The following AKT3 variants were observed in gnomAD, a reference collection of about 807,000 sequenced individuals.
AKT3 encodes the protein RAC-gamma serine/threonine-protein kinase.
AKT3 carries 15 observed loss-of-function variants against 65.3 expected under a neutral mutation model. The observed-to-expected ratio is 0.23, with a 90% CI of 0.15 to 0.35. The LOEUF (loss-of-function observed/expected upper bound fraction) is 0.35, where lower values mean the gene tolerates loss of function less well. AKT3 is among the 10% of genes least tolerant of loss of function. The pLI is 1.00. For missense variants in AKT3, 243 were observed against 576.5 expected, an observed-to-expected ratio of 0.42 and a Z score of 5.92; for synonymous variants, 206 against 183.8, an observed-to-expected ratio of 1.12 and a Z score of -0.98.
At chr1:243,785,978 C>A (rs1433433918) in intron 2 of AKT3, among the ~76,000 whole-genome samples, 1 of 152,198 alleles carries the variant, frequency 6.6e-6, no homozygotes, top group Admixed American at 6.5e-5. Context: ...CAGAAAGATA[C>A]TCTGCAAGTG....
chr1:243,735,344 A>G (rs1390020642), intron 2 of AKT3, among the ~76,000 whole-genome samples: 2 of 152,258 alleles, frequency 1.3e-5, no homozygotes, highest in African/African-American at 2.4e-5. Flanking sequence ...TCACTAGGCA[A>G]TAAGAATTTT....
intron 8 of AKT3, among the ~76,000 whole-genome samples, chr1:243,574,696 C>T (rs183117665): frequency 1.3e-3 from 197 of 152,112 alleles, no homozygotes; most frequent in Non-Finnish European, 1.4e-3. Flanking sequence ...GTATTACCAG[C>T]CTAACAAGGA....
At chr1:243,821,625 G>A (rs1693860325) in intron 2 of AKT3, among the ~76,000 whole-genome samples, 1 of 152,040 alleles carries the variant, frequency 6.6e-6, no homozygotes, top group South Asian at 2.1e-4. Context: ...AAAAGCAGAG[G>A]TTGCAATCCT....
At chr1:243,580,461 A>G (rs996749711) in intron 8 of AKT3, among the ~76,000 whole-genome samples, 5 of 152,246 alleles carry the variant, frequency 3.3e-5, no homozygotes, top group Non-Finnish European at 5.9e-5. Flanking sequence ...ATTTGGGCAC[A>G]TAAAAACTCA....
rs577773239 is a variant in AKT3, at chr1:243,689,505, A to G, written c.172+6086T>C. 4.6e-3 allele frequency among the ~76,000 whole-genome samples: 618 copies of G among 133,918 alleles called. 2 individuals are homozygous for G. The highest frequency in any genetic ancestry group is 0.017 in the African/African-American group (596 of 34,998). 87.9% of individuals were successfully genotyped at this position (133,918 alleles called of 152,430 possible). On this transcript the variant is annotated intron_variant, in intron 3 of 13. Transcript: ENST00000673466. Reference sequence around the variant, plus strand: ...AGATTTTTTTTTTTTTTTTTTTTTTAAAGAGACAGGGTCCTTCTATGTTGC... The same window carrying G: ...AGATTTTTTTTTTTTTTTTTTTTTTGAAGAGACAGGGTCCTTCTATGTTGC...
intron 2 of AKT3, among the ~76,000 whole-genome samples, chr1:243,801,214 T>C (rs771937653): frequency 3.3e-5 from 5 of 152,232 alleles, no homozygotes; most frequent in Non-Finnish European, 5.9e-5. Flanking sequence ...GAGTATTAAA[T>C]AAACATTTCT....
intron 2 of AKT3, among the ~76,000 whole-genome samples, chr1:243,794,827 T>G (rs1691851421): frequency 6.6e-6 from 1 of 152,174 alleles, no homozygotes; most frequent in African/African-American, 2.4e-5. Context: ...AATACCAGTT[T>G]TTGCACAACT....
chr1:243,746,985 C>T (rs2148195431), intron 2 of AKT3, among the ~76,000 whole-genome samples: 1 of 152,208 alleles, frequency 6.6e-6, no homozygotes, highest in East Asian at 1.9e-4. Flanking sequence ...TTTGGGAGCT[C>T]ACCAGCTGCA....
intron 2 of AKT3, among the ~76,000 whole-genome samples, chr1:243,827,061 C>T (rs1026504734): frequency 6.6e-6 from 1 of 152,034 alleles, no homozygotes; most frequent in African/African-American, 2.4e-5. Context: ...ACTCAATACC[C>T]AGAAATAACC....
intron 13 of AKT3, among the ~76,000 whole-genome samples, chr1:243,507,870 T>C (rs966912455): frequency 2.6e-5 from 4 of 152,212 alleles, no homozygotes; most frequent in Admixed American, 1.3e-4. Context: ...TAACGAAAGA[T>C]GACACATTCC....
chr1:243,807,176 G>A (rs576109777), intron 2 of AKT3, among the ~76,000 whole-genome samples: 1 of 152,200 alleles, frequency 6.6e-6, no homozygotes, highest in African/African-American at 2.4e-5. Flanking sequence ...GGGATTGTCG[G>A]ACAGTGGGTG....
chr1:243,580,669 C>A (rs1036184010), intron 8 of AKT3, among the ~76,000 whole-genome samples: 1 of 152,186 alleles, frequency 6.6e-6, no homozygotes, highest in African/African-American at 2.4e-5. Flanking sequence ...GCAGTTTCTC[C>A]TGGGCTGCAA....
intron 2 of AKT3, among the ~76,000 whole-genome samples, chr1:243,729,928 C>T (rs1016342189): frequency 2.5e-4 from 38 of 152,150 alleles, no homozygotes; most frequent in African/African-American, 8.4e-4. Context: ...ACCTTCCTAA[C>T]AGCTTTAAAT....
At position 243,536,717 on chromosome 1, in the gene AKT3, A is replaced by T. The variant is rs188737623; in HGVS notation, c.1251+8793T>A. Reference sequence around the variant, plus strand: ...CTGTATACATTTTATGCCAGAAATAACACTGGTTTTGACAGCTGTTTGTGT... The same window carrying T: ...CTGTATACATTTTATGCCAGAAATATCACTGGTTTTGACAGCTGTTTGTGT... On this transcript the variant is annotated intron_variant, in intron 12 of 13. Transcript: ENST00000673466. 4.4e-4 allele frequency among the ~76,000 whole-genome samples: 67 copies of T among 152,280 alleles called. 2 individuals are homozygous for T. The East Asian group carries it at 0.013, about 29-fold the overall frequency.
chr1:243,584,725 A>G (rs1175865021), intron 8 of AKT3, among the ~76,000 whole-genome samples: 1 of 152,124 alleles, frequency 6.6e-6, no homozygotes, highest in Admixed American at 6.6e-5. Context: ...CCCTCAACAA[A>G]CTAGGCATCA....
At chr1:243,679,574 T>C (rs1683776769) in intron 3 of AKT3, among the ~76,000 whole-genome samples, 1 of 152,238 alleles carries the variant, frequency 6.6e-6, no homozygotes, top group Non-Finnish European at 1.5e-5. Context: ...GACTTCTTTA[T>C]AGAAGTTATA....
At chr1:243,715,235 C>A (rs1686431550) in intron 2 of AKT3, among the ~76,000 whole-genome samples, 1 of 152,070 alleles carries the variant, frequency 6.6e-6, no homozygotes, top group South Asian at 2.1e-4. Context: ...GAAAGTACCA[C>A]TAATAATTTT....
At chr1:243,625,573 G>GA (rs931960816) in intron 6 of AKT3, among the ~76,000 whole-genome samples, 5 of 152,062 alleles carry the variant, frequency 3.3e-5, no homozygotes, top group Non-Finnish European at 5.9e-5. Context: ...AAATTATGCT[G>GA]AAAAAAACAG....
intron 12 of AKT3, among the ~76,000 whole-genome samples, chr1:243,532,237 C>A (rs10927033): frequency 0.13 from 19,572 of 152,114 alleles, 1,467 homozygotes; most frequent in East Asian, 0.27. Flanking sequence ...ATAATGTGAG[C>A]TGAGGGTTTT....
Sources: gnomAD v4.1 joint callset for allele counts (sites outside exome capture counted in the v4.1 genomes callset) on GRCh38, gnomAD v4.1.1 for gene constraint, MANE v1.5 for transcripts, NCBI Gene and HGNC (gene_info 2026-07-23, HGNC 2026-07-21) for gene names.